Variants in SLC10A7 observed in about 807,000 individuals in gnomAD.
SLC10A7 encodes the protein solute carrier family 10 member 7.
In SLC10A7, 29 loss-of-function variants were observed where a neutral mutation model predicts 43.2. The ratio of observed to expected loss-of-function variants is 0.67; its 90% CI spans 0.50 to 0.92. The LOEUF is 0.92. Ranked by LOEUF, SLC10A7 falls within the 40% of genes least tolerant of loss-of-function variation. The pLI is 0.00. For synonymous variants in SLC10A7, 152 were observed against 144.8 expected (o/e 1.05, Z -0.35); for missense variants, 295 against 403.2 (o/e 0.73, Z 2.30).
chr4:146,343,057 A>G (rs1734375245), intron 5 of SLC10A7, among the ~76,000 whole-genome samples: 1 of 151,924 alleles, frequency 6.6e-6, no homozygotes. Flanking sequence ...GTCATTTTTG[A>G]GGCATGCTTG....
chr4:146,283,018 A>G (rs1329978787), intron 10 of SLC10A7, among the ~76,000 whole-genome samples, 174 bp downstream of exon 10: 4 of 152,172 alleles, frequency 2.6e-5, no homozygotes, highest in Admixed American at 1.3e-4. Context: ...GATTTGTTCA[A>G]TCAAATAACA....
chr4:146,330,518 T>C (rs1457045612), intron 5 of SLC10A7, among the ~76,000 whole-genome samples: 1 of 152,190 alleles, frequency 6.6e-6, no homozygotes, highest in African/African-American at 2.4e-5. Context: ...CCCCTCTCTC[T>C]GTCTCCCTCA....
At chr4:146,393,078 G>C (rs1490861182) in intron 5 of SLC10A7, among the ~76,000 whole-genome samples, 15 of 151,586 alleles carry the variant, frequency 9.9e-5, no homozygotes, top group Admixed American at 8.6e-4. Context: ...AGCTATTGCA[G>C]GGTGGTGGGT....
intron 5 of SLC10A7, among the ~76,000 whole-genome samples, chr4:146,379,700 A>T (rs1037520631): frequency 2.6e-5 from 4 of 152,208 alleles, no homozygotes; most frequent in Non-Finnish European, 4.4e-5. Context: ...CTTTCTTCTA[A>T]ATCAGTGTAT....
intron 5 of SLC10A7, among the ~76,000 whole-genome samples, chr4:146,326,303 G>T (rs1423945930): frequency 6.6e-6 from 1 of 152,192 alleles, no homozygotes; most frequent in Admixed American, 6.5e-5. Context: ...CTGGTGGCTG[G>T]CAAGCTTCCT....
intron 5 of SLC10A7, among the ~76,000 whole-genome samples, chr4:146,335,250 GTAAAAAAAAAAA>G (rs1733805978): frequency 2.8e-5 from 2 of 70,602 alleles, no homozygotes; most frequent in South Asian, 1.3e-3. Flanking sequence ...CACAGATGTT[GTAAAAAAAAAAA>G]AAAAAAAAAA....
In SLC10A7 at chr4:146,503,885, A is replaced by C; in HGVS notation, c.360T>G (p.Ser120=). 7 of 1,614,228 alleles carry C rather than the reference A, an allele frequency of 4.3e-6. No individual in the cohort carries two copies. Among genetic ancestry groups the C allele is most frequent in the Non-Finnish European group, 5.9e-6 (7 of 1,180,028 alleles). ...TVGCMPPPVS[S]AVILTKAVGG... ...CAACTGCCTTGGTTAAAATCACTGC[A>C]GAAGACACAGGCGGAGGCATGCAAC... Residue 120 remains serine (S), a synonymous_variant, in exon 4 of 12, where the codon TCT becomes TCG. Coordinates refer to ENST00000335472, the MANE Select transcript of SLC10A7 (RefSeq NM_001029998.6).
intron 10 of SLC10A7, among the ~76,000 whole-genome samples, chr4:146,268,843 C>T (rs1331081816): frequency 6.6e-6 from 1 of 152,082 alleles, no homozygotes; most frequent in African/African-American, 2.4e-5. Flanking sequence ...AAGAATTTGT[C>T]AGGGTACTTA....
chr4:146,458,671 T>C (rs1023959005), intron 4 of SLC10A7, among the ~76,000 whole-genome samples: 2 of 151,860 alleles, frequency 1.3e-5, no homozygotes, highest in African/African-American at 4.8e-5. Flanking sequence ...CACTGCTGTA[T>C]CCAATCATTG....
chr4:146,340,534 TGG>T (rs1491296877), intron 5 of SLC10A7, among the ~76,000 whole-genome samples: 18 of 142,866 alleles, frequency 1.3e-4, no homozygotes, highest in African/African-American at 4.6e-4. Flanking sequence ...TATATATATA[TGG>T]AGAGAGAGAG....
At chr4:146,264,082 C>T (rs1199323970) in intron 10 of SLC10A7, among the ~76,000 whole-genome samples, 5 of 152,170 alleles carry the variant, frequency 3.3e-5, no homozygotes, top group Non-Finnish European at 7.3e-5. Context: ...TGACATCTGC[C>T]AAGTAGCAAC....
intron 4 of SLC10A7, among the ~76,000 whole-genome samples, chr4:146,494,275 A>G (rs1166393494): frequency 2.6e-5 from 4 of 152,242 alleles, no homozygotes; most frequent in African/African-American, 9.6e-5. Flanking sequence ...GCAGGAATTA[A>G]GCACATGCTT....
intron 4 of SLC10A7, among the ~76,000 whole-genome samples, chr4:146,496,985 T>C (rs1187791028): frequency 6.6e-6 from 1 of 152,256 alleles, no homozygotes; most frequent in African/African-American, 2.4e-5. Context: ...ATGGTGGACA[T>C]AGAAGTGCAT....
chr4:146,464,973 C>T (rs1233162052), intron 4 of SLC10A7, among the ~76,000 whole-genome samples: 1 of 152,006 alleles, frequency 6.6e-6, no homozygotes, highest in Non-Finnish European at 1.5e-5. Context: ...AGCTCAGATT[C>T]GTGATTCTTT....
intron 2 of SLC10A7, among the ~76,000 whole-genome samples, chr4:146,510,660 C>T (rs1737376846): frequency 6.6e-6 from 1 of 152,166 alleles, no homozygotes. Context: ...GCTAACTATA[C>T]TTCATACTAC....
At chr4:146,343,666 G>A (rs1402504780) in intron 5 of SLC10A7, among the ~76,000 whole-genome samples, 1 of 151,982 alleles carries the variant, frequency 6.6e-6, no homozygotes, top group Non-Finnish European at 1.5e-5. Flanking sequence ...GTCTTTTTAT[G>A]GGCATGGTCT....
intron 10 of SLC10A7, among the ~76,000 whole-genome samples, chr4:146,281,893 A>G (rs532491337): frequency 3.9e-5 from 6 of 152,302 alleles, no homozygotes; most frequent in African/African-American, 1.4e-4. Context: ...AGTCCACATC[A>G]ATCTACTTAC....
intron 7 of SLC10A7, among the ~76,000 whole-genome samples, chr4:146,294,896 A>G (rs1280816325): frequency 1.3e-5 from 2 of 152,190 alleles, no homozygotes; most frequent in Non-Finnish European, 2.9e-5. Flanking sequence ...ACATTGTTTC[A>G]CTTTTGAAAG....
intron 6 of SLC10A7, 103 bp downstream of exon 6, chr4:146,325,858 G>C: frequency 2.0e-6 from 2 of 1,017,888 alleles, no homozygotes; most frequent in Admixed American, 4.3e-5. Flanking sequence ...TTCCAAATAT[G>C]GTGCAAAATA....
Sources: gnomAD v4.1 joint callset for allele counts (sites outside exome capture counted in the v4.1 genomes callset) on GRCh38, gnomAD v4.1.1 for gene constraint, MANE v1.5 for transcripts, NCBI Gene and HGNC (gene_info 2026-07-23, HGNC 2026-07-21) for gene names.